CCSER1: variants seen among roughly 807,000 people sequenced by gnomAD.
CCSER1 encodes coiled-coil serine rich protein 1.
CCSER1 carries 41 observed loss-of-function variants against 82.0 expected under a neutral mutation model. The ratio of observed to expected loss-of-function variants is 0.50; its 90% CI spans 0.39 to 0.65. The LOEUF is 0.65. CCSER1 is among the 30% of genes least tolerant of loss of function. The pLI, the probability that CCSER1 is intolerant of heterozygous loss-of-function variation, is 0.00. For synonymous variants in CCSER1, 414 were observed against 383.9 expected, an observed-to-expected ratio of 1.08 and a Z score of -0.92; for missense variants, 1,119 against 1,064.2, an observed-to-expected ratio of 1.05 and a Z score of -0.72.
At chr4:90,504,226 C>T (rs927468586) in intron 5 of CCSER1, among the ~76,000 whole-genome samples, 6 of 151,960 alleles carry the variant, frequency 3.9e-5, no homozygotes, top group African/African-American at 7.3e-5. Context: ...CCTAAATTTC[C>T]ATGAACTTAT....
chr4:91,338,694 A>T (rs749919257), intron 10 of CCSER1, among the ~76,000 whole-genome samples: 19 of 152,202 alleles, frequency 1.2e-4, no homozygotes, highest in Non-Finnish European at 2.4e-4. Flanking sequence ...AAAACAAATT[A>T]TGCACATTAA....
chr4:90,874,783 C>G (rs1766983885), intron 8 of CCSER1, among the ~76,000 whole-genome samples: 1 of 152,166 alleles, frequency 6.6e-6, no homozygotes, highest in African/African-American at 2.4e-5. Context: ...TGTGGTGTCT[C>G]ACACCTGTAA....
chr4:90,752,660 A>G (rs932954614), intron 7 of CCSER1, among the ~76,000 whole-genome samples: 1 of 152,006 alleles, frequency 6.6e-6, no homozygotes, highest in Non-Finnish European at 1.5e-5. Flanking sequence ...CCTTCATCTC[A>G]CATCTTCCCC....
At chr4:90,943,867 C>T (rs1731906341) in intron 9 of CCSER1, among the ~76,000 whole-genome samples, 1 of 150,920 alleles carries the variant, frequency 6.6e-6, no homozygotes, top group Non-Finnish European at 1.5e-5. Flanking sequence ...TGAGCCACTG[C>T]CCCCAGCCTG....
chr4:90,204,595 G>A (rs1328405309), intron 1 of CCSER1, among the ~76,000 whole-genome samples: 1 of 152,166 alleles, frequency 6.6e-6, no homozygotes, highest in African/African-American at 2.4e-5. Context: ...GGTTACTGTA[G>A]CCTTGTAGTA....
intron 10 of CCSER1, among the ~76,000 whole-genome samples, chr4:91,184,186 T>C (rs964930610): frequency 6.6e-6 from 1 of 152,102 alleles, no homozygotes; most frequent in African/African-American, 2.4e-5. Context: ...AATGTAACAC[T>C]GTGAAAATTT....
At chr4:91,224,913 T>G (rs1738026896) in intron 10 of CCSER1, among the ~76,000 whole-genome samples, 1 of 151,744 alleles carries the variant, frequency 6.6e-6, no homozygotes, top group Admixed American at 6.6e-5. Flanking sequence ...AAAAAATGTG[T>G]ATTAGGTAAA....
chr4:90,487,368 AAT>A lies in CCSER1; in HGVS notation c.1724+19021_1724+19022del, dbSNP rs1767271023. ...AGAAGGTCATCTCATTAAGCAACAG[AAT>A]ATATATGTCACTTTGAGACAATCAT... On this transcript the variant is annotated intron_variant, in intron 5 of 10. Transcript: ENST00000509176. Among the ~76,000 whole-genome samples, 7 of 152,130 alleles carry A rather than the reference AAT, an allele frequency of 4.6e-5. No homozygotes were observed. The South Asian group carries it at 1.5e-3, about 32-fold the overall frequency.
intron 1 of CCSER1, among the ~76,000 whole-genome samples, chr4:90,186,864 A>C (rs1372191183): frequency 6.6e-6 from 1 of 151,810 alleles, no homozygotes; most frequent in Non-Finnish European, 1.5e-5. Flanking sequence ...GGTGTAGTGT[A>C]ACCAAGGCCT....
At chr4:90,158,615 G>A (rs1728802527) in intron 1 of CCSER1, among the ~76,000 whole-genome samples, 2 of 152,310 alleles carry the variant, frequency 1.3e-5, no homozygotes, top group East Asian at 1.9e-4. Context: ...CTGCCGCCTT[G>A]CAGTTTGATC....
At chr4:90,256,425 C>T (rs1046809959) in intron 1 of CCSER1, among the ~76,000 whole-genome samples, 5 of 152,050 alleles carry the variant, frequency 3.3e-5, no homozygotes, top group Non-Finnish European at 7.4e-5. Context: ...AACTTCAAAT[C>T]GGAGAAACTA....
At chr4:91,167,089 T>C (rs1482203948) in intron 10 of CCSER1, among the ~76,000 whole-genome samples, 1 of 152,154 alleles carries the variant, frequency 6.6e-6, no homozygotes, top group Non-Finnish European at 1.5e-5. Flanking sequence ...TAAGTAAATG[T>C]ATTTTTGCCA....
At position 90,311,817 on chromosome 4, in the gene CCSER1, A is replaced by T. The variant is rs550390525; in HGVS notation, c.1325-1046A>T. 2.5e-3 allele frequency among the ~76,000 whole-genome samples: 377 copies of T among 152,298 alleles called. 5 individuals are homozygous for T. In the South Asian group the frequency reaches 0.027, roughly 11 times the overall value. On this transcript the variant is annotated intron_variant, in intron 2 of 10. Transcript: ENST00000509176. ...GTCTTTAAACTAGTAGATGAGCCTAATTAGAACAATTTTTTCATTTACTCA... is the reference window on the plus strand; with the variant it reads ...GTCTTTAAACTAGTAGATGAGCCTATTTAGAACAATTTTTTCATTTACTCA...
chr4:91,197,824 G>C (rs534597505), intron 10 of CCSER1, among the ~76,000 whole-genome samples: 1 of 151,756 alleles, frequency 6.6e-6, no homozygotes, highest in South Asian at 2.1e-4. Context: ...ACAGCTTTTT[G>C]GTTATAATTG....
intron 10 of CCSER1, among the ~76,000 whole-genome samples, chr4:91,517,490 A>ACTCAGCTGTTTTGTCTATCAG (rs1294349580): frequency 6.6e-6 from 1 of 152,084 alleles, no homozygotes; most frequent in African/African-American, 2.4e-5. Flanking sequence ...TCATTTGTAC[A>ACTCAGCTGTTTTGTCTATCAG]CTCAGCTGTT....
intron 8 of CCSER1, among the ~76,000 whole-genome samples, chr4:90,842,093 C>T (rs1483864311): frequency 6.6e-6 from 1 of 152,040 alleles, no homozygotes; most frequent in African/African-American, 2.4e-5. Context: ...TTAATTACTC[C>T]ACCTCATTAG....
chr4:90,310,851 A>G (rs1735166573), intron 2 of CCSER1, among the ~76,000 whole-genome samples: 2 of 152,132 alleles, frequency 1.3e-5, no homozygotes, highest in African/African-American at 4.8e-5. Context: ...AAAGTTTTAA[A>G]TGCATGAGTT....
intron 10 of CCSER1, among the ~76,000 whole-genome samples, chr4:91,465,269 G>A (rs1045197580): frequency 2.6e-5 from 4 of 152,094 alleles, no homozygotes; most frequent in African/African-American, 4.8e-5. Flanking sequence ...GGTATATAAC[G>A]AAATGAAGTC....
intron 10 of CCSER1, among the ~76,000 whole-genome samples, chr4:91,131,920 A>G (rs987993463): frequency 1.3e-5 from 2 of 151,932 alleles, no homozygotes; most frequent in African/African-American, 4.8e-5. Flanking sequence ...TTTTGGATGA[A>G]TCATCGAAAA....
Sources: allele counts gnomAD v4.1 joint callset (sites outside exome capture counted in the v4.1 genomes callset), GRCh38; gene constraint gnomAD v4.1.1; transcripts MANE v1.5; gene names NCBI Gene and HGNC (gene_info 2026-07-23, HGNC 2026-07-21).